The following HS3ST5 variants were observed in gnomAD, a reference collection of about 807,000 sequenced individuals.
The protein encoded by HS3ST5 is heparan sulfate glucosamine 3-O-sulfotransferase 5.
HS3ST5 carries 10 observed loss-of-function variants against 25.4 expected under a neutral mutation model. That is an observed-to-expected ratio of 0.39 (90% CI 0.24 to 0.67). The LOEUF (loss-of-function observed/expected upper bound fraction) is 0.67. Ranked by LOEUF, HS3ST5 falls within the 30% of genes least tolerant of loss-of-function variation. The pLI is 0.44. For synonymous variants in HS3ST5, 170 were observed against 162.4 expected, an observed-to-expected ratio of 1.05 and a Z score of -0.36; for missense variants, 324 against 420.7, an observed-to-expected ratio of 0.77 and a Z score of 2.01.
At chr6:114,246,211 C>A (rs529366105) in intron 1 of HS3ST5, among the ~76,000 whole-genome samples, 1 of 152,300 alleles carries the variant, frequency 6.6e-6, no homozygotes, top group East Asian at 1.9e-4. Flanking sequence ...GTCCAGCATT[C>A]AACTATTTCC....
intron 2 of HS3ST5, among the ~76,000 whole-genome samples, chr6:114,212,308 G>C (rs994980041): frequency 2.0e-5 from 3 of 152,190 alleles, no homozygotes; most frequent in South Asian, 2.1e-4. Flanking sequence ...TTTCTCTACA[G>C]AGAGCTTCTA....
intron 1 of HS3ST5, among the ~76,000 whole-genome samples, chr6:114,323,894 G>C (rs1173301310): frequency 6.6e-6 from 1 of 152,116 alleles, no homozygotes; most frequent in Non-Finnish European, 1.5e-5. Context: ...AGAGGCCTGG[G>C]AGGCTGTTTT....
At chr6:114,184,757 C>T (rs757984119) in intron 2 of HS3ST5, among the ~76,000 whole-genome samples, 3 of 152,150 alleles carry the variant, frequency 2.0e-5, no homozygotes, top group Admixed American at 6.5e-5. Flanking sequence ...CCGGTGGGGC[C>T]GAAAGGTGGG....
chr6:114,185,990 G>T (rs2114262216), intron 2 of HS3ST5, among the ~76,000 whole-genome samples: 1 of 151,808 alleles, frequency 6.6e-6, no homozygotes, highest in East Asian at 1.9e-4. Context: ...ATTATTTTGG[G>T]GAACCATGAA....
At chr6:114,094,768 G>A (rs1365520247) in intron 3 of HS3ST5, among the ~76,000 whole-genome samples, 1 of 152,294 alleles carries the variant, frequency 6.6e-6, no homozygotes, top group East Asian at 1.9e-4. Flanking sequence ...CTCCCCGTGA[G>A]TATGGGCAGA....
At chr6:114,248,019 G>A (rs1482515657) in intron 1 of HS3ST5, among the ~76,000 whole-genome samples, 1 of 151,476 alleles carries the variant, frequency 6.6e-6, no homozygotes, top group Non-Finnish European at 1.5e-5. Context: ...AGCCAACATG[G>A]CAAAACCCTG....
chr6:114,307,160 T>C (rs1046243139), intron 1 of HS3ST5, among the ~76,000 whole-genome samples: 7 of 152,214 alleles, frequency 4.6e-5, no homozygotes, highest in African/African-American at 7.2e-5. Flanking sequence ...GTTTCCAAAC[T>C]TTGTAGGCAC....
intron 3 of HS3ST5, among the ~76,000 whole-genome samples, chr6:114,093,889 G>C (rs1322400525): frequency 6.6e-6 from 1 of 152,204 alleles, no homozygotes; most frequent in Non-Finnish European, 1.5e-5. Flanking sequence ...ACATGGGCAT[G>C]TAGATGGTAG....
intron 2 of HS3ST5, among the ~76,000 whole-genome samples, chr6:114,192,576 T>C (rs915805400): frequency 2.6e-5 from 4 of 152,184 alleles, no homozygotes; most frequent in Non-Finnish European, 5.9e-5. Context: ...CAAGGCTTTG[T>C]CTTGTCAAAA....
chr6:114,146,474 T>C (rs1459368857), intron 3 of HS3ST5, among the ~76,000 whole-genome samples: 1 of 152,156 alleles, frequency 6.6e-6, no homozygotes. Flanking sequence ...AAGGAGAATA[T>C]GGGCAAGGAA....
intron 3 of HS3ST5, among the ~76,000 whole-genome samples, chr6:114,137,236 C>T (rs915900515): frequency 1.3e-5 from 2 of 152,152 alleles, no homozygotes; most frequent in Non-Finnish European, 2.9e-5. Context: ...CCCCCGCAAA[C>T]CATATCCCAT....
intron 1 of HS3ST5, among the ~76,000 whole-genome samples, chr6:114,296,429 T>C (rs1191792970): frequency 1.3e-5 from 2 of 152,196 alleles, no homozygotes; most frequent in East Asian, 3.8e-4. Context: ...TGAATTTTGC[T>C]GGTAAGTTCA....
chr6:114,173,782 C>T (rs1779585684), intron 2 of HS3ST5, among the ~76,000 whole-genome samples: 1 of 152,040 alleles, frequency 6.6e-6, no homozygotes, highest in African/African-American at 2.4e-5. Flanking sequence ...TCACTTGAAC[C>T]CGGGAGGCAG....
chr6:114,341,203 A>AGAGGGG (rs1186183823), intron 1 of HS3ST5, among the ~76,000 whole-genome samples: 1 of 83,994 alleles, frequency 1.2e-5, no homozygotes, highest in Non-Finnish European at 2.4e-5. Context: ...GGAGAGGGAG[A>AGAGGGG]GGGAATAGGG....
intron 1 of HS3ST5, among the ~76,000 whole-genome samples, chr6:114,285,892 G>A (rs1774319149): frequency 6.6e-6 from 1 of 151,952 alleles, no homozygotes; most frequent in African/African-American, 2.4e-5. Context: ...AAATAGTGGT[G>A]AAGTCAATTG....
At chr6:114,236,890 T>C (rs941710424) in intron 1 of HS3ST5, among the ~76,000 whole-genome samples, 2 of 152,214 alleles carry the variant, frequency 1.3e-5, no homozygotes, top group African/African-American at 4.8e-5. Flanking sequence ...AAAAGATAGA[T>C]GTCAAAGAAC....
intron 2 of HS3ST5, among the ~76,000 whole-genome samples, chr6:114,219,162 G>C (rs1427883084): frequency 6.6e-6 from 1 of 152,266 alleles, no homozygotes; most frequent in Admixed American, 6.5e-5. Context: ...TACCTCATAA[G>C]TATTTGGATA....
intron 3 of HS3ST5, among the ~76,000 whole-genome samples, chr6:114,080,446 A>G (rs1469141826): frequency 6.6e-6 from 1 of 152,212 alleles, no homozygotes; most frequent in Non-Finnish European, 1.5e-5. Flanking sequence ...TACATATCCA[A>G]AAGAAATTAA....
chr6:114,326,453 G>C (rs1300389847), intron 1 of HS3ST5, among the ~76,000 whole-genome samples: 1 of 152,040 alleles, frequency 6.6e-6, no homozygotes, highest in African/African-American at 2.4e-5. Flanking sequence ...GACTGAAACA[G>C]GAATGACAAT....
Sources: gnomAD v4.1 joint callset for allele counts (sites outside exome capture counted in the v4.1 genomes callset) on GRCh38, gnomAD v4.1.1 for gene constraint, MANE v1.5 for transcripts, NCBI Gene and HGNC (gene_info 2026-07-23, HGNC 2026-07-21) for gene names.